Variants in NEDD4 observed in about 807,000 individuals in gnomAD.
NEDD4 encodes NEDD4 E3 ubiquitin protein ligase.
In NEDD4, 99 loss-of-function variants were observed where a neutral mutation model predicts 144.9. That is an observed-to-expected ratio of 0.68 (90% confidence interval 0.58 to 0.81). NEDD4 has a LOEUF of 0.81. Ranked by LOEUF, NEDD4 falls within the 30% of genes least tolerant of loss-of-function variation. NEDD4 has a pLI of 0.00. For synonymous variants in NEDD4, 318 were observed against 350.6 expected, an observed-to-expected ratio of 0.91 and a Z score of 1.04; for missense variants, 985 against 1,065.9, an observed-to-expected ratio of 0.92 and a Z score of 1.06.
At position 55,829,810 on chromosome 15, in the gene NEDD4, AT is replaced by A. The variant is rs2032857588; in HGVS notation, c.*86del. ...AGATCTGGGAAGACTCAGTGGCCAC[AT>A]TTTAGTAGTTCCCCGGAAAATTTTA... is the stretch of plus-strand genomic sequence containing the variant. On this transcript the variant is annotated 3_prime_UTR_variant, in exon 29 of 29. Coordinates refer to ENST00000435532, the MANE Select transcript of NEDD4 (RefSeq NM_006154.4). The A allele has an allele frequency of 1.1e-6, 1 of 910,716 alleles. No individual in the cohort carries two copies. The highest frequency in any genetic ancestry group is 1.7e-5 in the South Asian group (1 of 59,656). The allele number at this position is 910,716 out of a possible 1,614,324, so 56.4% of individuals were successfully genotyped here.
At chr15:55,907,450 A>G (rs2036137977) in intron 5 of NEDD4, among the ~76,000 whole-genome samples, 1 of 152,164 alleles carries the variant, frequency 6.6e-6, no homozygotes, top group Non-Finnish European at 1.5e-5. Context: ...ATATTATACT[A>G]TATTGTTCTC....
Position 55,847,025 on chromosome 15 carries a change from A to G in NEDD4, c.1552T>C (p.Tyr518His), listed in dbSNP as rs2033778799. 1 of 1,605,454 alleles carries G rather than the reference A, an allele frequency of 6.2e-7. No individual in the cohort carries two copies. Among genetic ancestry groups the G allele is most frequent in the African/African-American group, 1.3e-5 (1 of 74,720 alleles). ...NVAITGPAVP[Y>H]SRDYKRKYEF... Reference sequence around the variant, plus strand: ...TACTTTCTTTTGTAATCCCTGGAGTAGGGCACTGCCTTTAGTTGGAAATTT... The same window carrying G: ...TACTTTCTTTTGTAATCCCTGGAGTGGGGCACTGCCTTTAGTTGGAAATTT... Residue 518 changes from tyrosine to histidine, a missense_variant, in exon 18 of 29, where the codon TAC becomes CAC. Physicochemically the swap from Tyr to His is moderately conservative, Grantham distance 83. Transcript: ENST00000435532.
chr15:55,984,794 T>C (rs913693036), intron 1 of NEDD4, among the ~76,000 whole-genome samples: 5 of 152,222 alleles, frequency 3.3e-5, no homozygotes, highest in Admixed American at 3.3e-4. Context: ...TTGATACTAT[T>C]GGCAAGGAGG....
intron 24 of NEDD4, among the ~76,000 whole-genome samples, chr15:55,836,533 AT>A (rs1320702383): frequency 4.0e-5 from 6 of 149,316 alleles, no homozygotes; most frequent in East Asian, 2.0e-4. Flanking sequence ...CACCAGGCTA[AT>A]TTTTTTTTTG....
rs141498490 is a variant in NEDD4, at chr15:55,888,277, G to C, written c.292-14269C>G. ...AAAACCATTAGAACTGATACATTCA[G>C]TAAAGTTGCATGATACATAATTAAC... On this transcript the variant is annotated intron_variant, in intron 5 of 28. Coordinates refer to ENST00000435532, the MANE Select transcript of NEDD4 (RefSeq NM_006154.4). Among the ~76,000 whole-genome samples the C allele has an allele frequency of 2.1e-3, 324 of 152,278 alleles. 1 individual carries two copies. The highest frequency in any genetic ancestry group is 3.2e-3 in the Non-Finnish European group (220 of 67,992).
chr15:55,867,202 T>C (rs2034615213), intron 8 of NEDD4, among the ~76,000 whole-genome samples: 1 of 152,156 alleles, frequency 6.6e-6, no homozygotes, highest in Non-Finnish European at 1.5e-5. Context: ...ATATATACAG[T>C]CACAAACTAG....
intron 4 of NEDD4, among the ~76,000 whole-genome samples, chr15:55,947,840 A>G (rs1344305525): frequency 1.3e-5 from 2 of 152,202 alleles, no homozygotes; most frequent in Non-Finnish European, 2.9e-5. Flanking sequence ...CACATAGCCA[A>G]TATCATACTG....
chr15:55,853,218 T>C (rs1449614128), intron 12 of NEDD4, among the ~76,000 whole-genome samples: 1 of 152,078 alleles, frequency 6.6e-6, no homozygotes, highest in Non-Finnish European at 1.5e-5. Context: ...ATTTTAAATA[T>C]CTTAAAATGT....
intron 15 of NEDD4, 111 bp downstream of exon 15, chr15:55,848,695 T>A: frequency 7.8e-7 from 1 of 1,279,204 alleles, no homozygotes; most frequent in Non-Finnish European, 1.1e-6. Flanking sequence ...TTAGAAGGTA[T>A]CAACATTTTA....
intron 17 of NEDD4, 115 bp downstream of exon 17, chr15:55,848,257 G>T: frequency 1.1e-6 from 1 of 927,026 alleles, no homozygotes; most frequent in Non-Finnish European, 1.7e-6. Context: ...GGAGAGGAGA[G>T]AACGGCCAAT....
At chr15:55,947,379 A>G (rs1265978669) in intron 4 of NEDD4, among the ~76,000 whole-genome samples, 1 of 152,248 alleles carries the variant, frequency 6.6e-6, no homozygotes, top group East Asian at 1.9e-4. Context: ...AGAGAATACT[A>G]TAAACACCTC....
intron 5 of NEDD4, among the ~76,000 whole-genome samples, chr15:55,899,454 A>T (rs142909749): frequency 1.3e-5 from 2 of 152,308 alleles, no homozygotes; most frequent in African/African-American, 4.8e-5. Context: ...AGACTATAAC[A>T]TATCAATGAA....
chr15:55,920,200 C>T (rs1419236322), intron 5 of NEDD4, among the ~76,000 whole-genome samples: 2 of 143,256 alleles, frequency 1.4e-5, no homozygotes, highest in African/African-American at 2.6e-5. Context: ...TATATATATT[C>T]ATATATTATA....
intron 11 of NEDD4, among the ~76,000 whole-genome samples, chr15:55,858,342 T>C (rs1346755974): frequency 6.6e-6 from 1 of 152,096 alleles, no homozygotes; most frequent in Non-Finnish European, 1.5e-5. Flanking sequence ...AGTTTCACTC[T>C]GTCACCCAAG....
intron 1 of NEDD4, 127 bp downstream of exon 1, chr15:55,993,384 G>T: frequency 1.6e-6 from 2 of 1,239,710 alleles, no homozygotes; most frequent in South Asian, 1.4e-5. Context: ...GCGCTCCCCA[G>T]GCTCGCGCCG....
chr15:55,972,574 C>G (rs1219488944), intron 1 of NEDD4, among the ~76,000 whole-genome samples: 1 of 151,970 alleles, frequency 6.6e-6, no homozygotes, highest in African/African-American at 2.4e-5. Flanking sequence ...CTAAAGAAAA[C>G]ACTTTCACAA....
At chr15:55,840,104 C>A (rs1375500048) in intron 21 of NEDD4, among the ~76,000 whole-genome samples, 1 of 135,200 alleles carries the variant, frequency 7.4e-6, no homozygotes, top group Non-Finnish European at 1.5e-5. Context: ...CTTGGTATAA[C>A]CTATTGAAGT....
intron 4 of NEDD4, among the ~76,000 whole-genome samples, chr15:55,927,318 C>CT (rs1294518898): frequency 3.5e-4 from 52 of 148,268 alleles, no homozygotes; most frequent in East Asian, 1.2e-3. Context: ...CGACAAGATT[C>CT]TTTTTTTTTT....
chr15:55,830,050 C>T (rs770098376), intron 28 of NEDD4, 51 bp from the exon 29 acceptor site: 2 of 1,272,426 alleles, frequency 1.6e-6, no homozygotes, highest in South Asian at 1.3e-5. Context: ...AAAGCAAGTA[C>T]CACCACAGCA....
Sources: gnomAD v4.1 joint callset for allele counts (sites outside exome capture counted in the v4.1 genomes callset) on GRCh38, gnomAD v4.1.1 for gene constraint, MANE v1.5 for transcripts, NCBI Gene and HGNC (gene_info 2026-07-23, HGNC 2026-07-21) for gene names.